UBE2QL1: variants seen among roughly 807,000 people sequenced by gnomAD.
The protein encoded by UBE2QL1 is ubiquitin conjugating enzyme E2 QL1, also known as ubiquitin-conjugating enzyme E2Q-like protein 1.
UBE2QL1 carries 5 observed loss-of-function variants against 12.6 expected under a neutral mutation model. That is an observed-to-expected ratio of 0.40 (90% CI 0.21 to 0.83). The LOEUF (loss-of-function observed/expected upper bound fraction) is 0.83, where lower values mean the gene tolerates loss of function less well. Among genes scored for constraint, UBE2QL1 ranks in the 40% least tolerant of loss-of-function variants. The pLI is 0.37. For synonymous variants in UBE2QL1, 96 were observed against 94.5 expected (o/e 1.02, Z -0.10); for missense variants, 99 against 222.6 (o/e 0.44, Z 3.53).
chr5:6,486,489 C>T (rs1452460975), intron 1 of UBE2QL1, among the ~76,000 whole-genome samples: 8 of 152,204 alleles, frequency 5.3e-5, no homozygotes, highest in Admixed American at 5.2e-4. Flanking sequence ...GCTTAGCTTA[C>T]GTTATTGTCA....
In UBE2QL1 at chr5:6,491,379, G is replaced by T; in HGVS notation, c.*30G>T. 1.3e-6 allele frequency: 2 copies of T among 1,533,918 alleles called. No individual in the cohort carries two copies. Among genetic ancestry groups the T allele is most frequent in the Non-Finnish European group, 1.8e-6 (2 of 1,139,624 alleles). ...TGCCACGTGCAGTAGACGCTCGAGC[G>T]CCTGTCCACACACACACCAGTACCC... is the stretch of plus-strand genomic sequence containing the variant. On this transcript the variant is annotated 3_prime_UTR_variant, in exon 2 of 2. Transcript: ENST00000399816.
In UBE2QL1 at chr5:6,495,456, C is replaced by T. The variant is rs374858106; in HGVS notation, c.*4107C>T. 6.6e-6 allele frequency among the ~76,000 whole-genome samples: 1 copy of T among 152,170 alleles called. No homozygotes were observed. The highest frequency in any genetic ancestry group is 1.9e-4 in the East Asian group (1 of 5,188). On this transcript the variant is annotated 3_prime_UTR_variant, in exon 2 of 2. Transcript: ENST00000399816. ...GCAGTGAAGGAGGCGAGCCCAGAGA[C>T]TTTGAGGGGCTTGTCCACAGTAGGA...
At chr5:6,480,318 C>A (rs1176576511) in intron 1 of UBE2QL1, among the ~76,000 whole-genome samples, 1 of 152,226 alleles carries the variant, frequency 6.6e-6, no homozygotes, top group East Asian at 1.9e-4. Flanking sequence ...CTGATGACAG[C>A]AGACCCCACC....
chr5:6,468,450 A>G (rs1419177945), intron 1 of UBE2QL1, among the ~76,000 whole-genome samples: 1 of 152,172 alleles, frequency 6.6e-6, no homozygotes, highest in African/African-American at 2.4e-5. Flanking sequence ...CAGTGCAGAC[A>G]CTCAGGCGGG....
intron 1 of UBE2QL1, among the ~76,000 whole-genome samples, chr5:6,475,456 C>T (rs1181939136): frequency 1.3e-5 from 2 of 152,186 alleles, no homozygotes; most frequent in South Asian, 4.1e-4. Flanking sequence ...TCTTTGTCCC[C>T]TATTTCCTTG....
At chr5:6,450,086 A>ACC (rs768975053) in intron 1 of UBE2QL1, among the ~76,000 whole-genome samples, 64 of 104,384 alleles carry the variant, frequency 6.1e-4, no homozygotes, top group African/African-American at 8.3e-4. Context: ...ACAAGACCAG[A>ACC]CCCCCCCCCC....
In UBE2QL1 at chr5:6,461,543, AC is replaced by A. The variant is rs71953375; in HGVS notation, c.354+12305del. Among the ~76,000 whole-genome samples, 13 of 42,236 alleles carry A rather than the reference AC, an allele frequency of 3.1e-4. 3 individuals carry two copies. The highest frequency in any genetic ancestry group is 1.1e-3 in the East Asian group (1 of 908). The allele number at this position is 42,236 out of a possible 152,430, so 27.7% of individuals were successfully genotyped here. ...TCCCCAGTGTTTTTCAGCACCCACC[AC>A]CCCCCCCCGCCGGCATATCATTCTA... On this transcript the variant is annotated intron_variant, in intron 1 of 1. Coordinates refer to ENST00000399816, the MANE Select transcript of UBE2QL1 (RefSeq NM_001145161.3).
chr5:6,462,071 G>A (rs954109518), intron 1 of UBE2QL1, among the ~76,000 whole-genome samples: 6 of 152,168 alleles, frequency 3.9e-5, no homozygotes, highest in Non-Finnish European at 7.3e-5. Flanking sequence ...GGTGATGGTC[G>A]TTTAACCTCT....
rs1734632469 is a variant in UBE2QL1, at chr5:6,494,519, C to T, written c.*3170C>T. 1 of 152,200 alleles carries T rather than the reference C, an allele frequency of 6.6e-6. No individual in the cohort carries two copies. The highest frequency in any genetic ancestry group is 1.5e-5 in the Non-Finnish European group (1 of 68,036). The allele number at this position is 152,200 out of a possible 1,614,324, so 9.4% of individuals were successfully genotyped here. On this transcript the variant is annotated 3_prime_UTR_variant, in exon 2 of 2. Transcript: ENST00000399816. ...CATGTAACCCTGGCCAGTCACTCCA[C>T]CTGCCTGAGCCTTGGTTTCCTCAGC... is the stretch of plus-strand genomic sequence containing the variant.
chr5:6,477,779 G>A (rs964069670), intron 1 of UBE2QL1, among the ~76,000 whole-genome samples: 5 of 152,216 alleles, frequency 3.3e-5, no homozygotes, highest in African/African-American at 1.2e-4. Context: ...GTGGGCTGTT[G>A]ACCAAATCTG....
chr5:6,476,196 G>C lies in UBE2QL1; in HGVS notation c.355-15022G>C, dbSNP rs1312124460. ...GCGGGGCCTGAGCAGGGAGGGGGTG[G>C]GGTCCCGATGTTTGTGCAGAGGAGA... On this transcript the variant is annotated intron_variant, in intron 1 of 1. Coordinates refer to ENST00000399816, the MANE Select transcript of UBE2QL1 (RefSeq NM_001145161.3). This position sits in a 1 kb window ranked among gnomAD's most constrained non-coding sequence, Gnocchi z 4.9. 6.6e-6 allele frequency among the ~76,000 whole-genome samples: 1 copy of C among 152,004 alleles called. No individual in the cohort carries two copies. Among genetic ancestry groups the C allele is most frequent in the Admixed American group, 6.5e-5 (1 of 15,270 alleles).
intron 1 of UBE2QL1, among the ~76,000 whole-genome samples, chr5:6,468,001 T>C (rs1739833043): frequency 6.6e-6 from 1 of 152,180 alleles, no homozygotes; most frequent in Admixed American, 6.5e-5. Flanking sequence ...CTCTCCTTGC[T>C]CTCATCCAGA....
intron 1 of UBE2QL1, among the ~76,000 whole-genome samples, chr5:6,456,014 C>T (rs1031206209): frequency 1.3e-5 from 2 of 152,114 alleles, no homozygotes; most frequent in Non-Finnish European, 2.9e-5. Context: ...GACGCAGCTG[C>T]GGAGGGTGGT....
At chr5:6,453,653 G>T (rs1739453789) in intron 1 of UBE2QL1, among the ~76,000 whole-genome samples, 1 of 152,006 alleles carries the variant, frequency 6.6e-6, no homozygotes, top group African/African-American at 2.4e-5. Flanking sequence ...TCCACCTTAG[G>T]TCTGAGAGGG....
intron 1 of UBE2QL1, among the ~76,000 whole-genome samples, chr5:6,485,142 A>G (rs530775621): frequency 3.3e-5 from 5 of 152,226 alleles, no homozygotes; most frequent in African/African-American, 1.2e-4. Context: ...ATGTACATGC[A>G]TTACTCGTGC....
chr5:6,462,665 A>C (rs1259866525), intron 1 of UBE2QL1, among the ~76,000 whole-genome samples: 1 of 152,204 alleles, frequency 6.6e-6, no homozygotes, highest in Non-Finnish European at 1.5e-5. Flanking sequence ...TGGAGGGCTC[A>C]AGGAAGAAAA....
At chr5:6,466,518 A>G (rs540891907) in intron 1 of UBE2QL1, among the ~76,000 whole-genome samples, 1 of 152,324 alleles carries the variant, frequency 6.6e-6, no homozygotes, top group African/African-American at 2.4e-5. Flanking sequence ...GGGCAGCAAC[A>G]TGGGGCCTGC....
chr5:6,462,782 G>A (rs1463940615), intron 1 of UBE2QL1, among the ~76,000 whole-genome samples: 3 of 152,208 alleles, frequency 2.0e-5, no homozygotes, highest in Non-Finnish European at 4.4e-5. Context: ...ATCACCATTA[G>A]ATTAAGTTGC....
chr5:6,468,590 G>A (rs1429913583), intron 1 of UBE2QL1, among the ~76,000 whole-genome samples: 1 of 152,162 alleles, frequency 6.6e-6, no homozygotes, highest in Non-Finnish European at 1.5e-5. Context: ...TCATTCCATT[G>A]GATTTGATGC....
Sources: gnomAD v4.1 joint callset for allele counts (sites outside exome capture counted in the v4.1 genomes callset) on GRCh38, gnomAD v4.1.1 for gene constraint, Gnocchi (gnomAD v3.1) non-coding constraint, MANE v1.5 for transcripts, NCBI Gene and HGNC (gene_info 2026-07-23, HGNC 2026-07-21) for gene names.